Variants in CCDC171 observed in about 807,000 individuals in gnomAD.
CCDC171 encodes coiled-coil domain containing 171.
CCDC171 carries 177 observed loss-of-function variants against 168.2 expected under a neutral mutation model. The ratio of observed to expected loss-of-function variants is 1.05; its 90% confidence interval spans 0.93 to 1.19. The LOEUF is 1.19. Ranked by LOEUF, CCDC171 falls within the 50% of genes most tolerant of loss-of-function variation. CCDC171 has a pLI of 0.00. For missense variants in CCDC171, 1,991 were observed against 1,539.0 expected (o/e 1.29, Z -4.91); for synonymous variants, 687 against 540.8 (o/e 1.27, Z -3.75).
chr9:15,625,292 T>G (rs2044968831), intron 7 of CCDC171, among the ~76,000 whole-genome samples: 1 of 152,236 alleles, frequency 6.6e-6, no homozygotes, highest in Non-Finnish European at 1.5e-5. Context: ...TGGTAGTTTC[T>G]TTTGCTGTGC....
At chr9:15,613,193 C>T (rs892068242) in intron 6 of CCDC171, among the ~76,000 whole-genome samples, 4 of 152,140 alleles carry the variant, frequency 2.6e-5, no homozygotes, top group Non-Finnish European at 4.4e-5. Flanking sequence ...TCCAGTTTCT[C>T]TACGTCTTTG....
At chr9:15,840,683 G>A (rs1473896742) in intron 21 of CCDC171, among the ~76,000 whole-genome samples, 1 of 152,082 alleles carries the variant, frequency 6.6e-6, no homozygotes, top group Non-Finnish European at 1.5e-5. Context: ...CATGTCGTGT[G>A]TCACAATAAA....
Position 15,778,972 on chromosome 9 carries a change from G to T in CCDC171, c.2903G>T (p.Ser968Ile). Residue 968 changes from serine (S) to isoleucine (I), a missense_variant, in exon 20 of 26, where the codon AGC becomes ATC. By Grantham distance (142) the Ser-to-Ile change is moderately radical. Coordinates refer to ENST00000380701, the MANE Select transcript of CCDC171 (RefSeq NM_173550.4). ...GLRGHVPITK[S>I]TASLQKQILG... ...ATTGCTCTTGTTTAACAACAGAAAA[G>T]CACAGCATCGTTGCAGAAGCAAATA... 1 of 1,515,284 alleles carries T rather than the reference G, an allele frequency of 6.6e-7. No homozygotes were observed. Among genetic ancestry groups the T allele is most frequent in the African/African-American group, 1.4e-5 (1 of 71,092 alleles). 93.9% of individuals were successfully genotyped at this position (1,515,284 alleles called of 1,614,324 possible). A position where few individuals can be genotyped will look rare whatever the true frequency, so the allele number is the denominator to read the frequency against.
intron 3 of CCDC171, among the ~76,000 whole-genome samples, chr9:15,987,402 G>A (rs147954116): frequency 0.01 from 1,548 of 151,944 alleles, 21 homozygotes; most frequent in Non-Finnish European, 0.015. Context: ...ACCTGCACAT[G>A]TACCCCTTGA....
At chr9:15,733,280 A>G (rs1020215689) in intron 16 of CCDC171, among the ~76,000 whole-genome samples, 8 of 152,164 alleles carry the variant, frequency 5.3e-5, no homozygotes, top group Non-Finnish European at 1.0e-4. Context: ...TTTGCAAAGC[A>G]AATGTTTCAA....
intron 7 of CCDC171, among the ~76,000 whole-genome samples, chr9:15,632,105 T>G (rs1273999058): frequency 2.6e-5 from 4 of 151,960 alleles, no homozygotes; most frequent in African/African-American, 7.2e-5. Context: ...CTTTGAAAAC[T>G]GGCCCAAGAC....
chr9:15,930,210 T>C (rs757485285), intron 25 of CCDC171, among the ~76,000 whole-genome samples: 47 of 151,800 alleles, frequency 3.1e-4, no homozygotes, highest in Middle Eastern at 3.4e-3. Flanking sequence ...ACCTATACTT[T>C]GCATAAACCA....
chr9:16,029,469 G>T (rs10810520), intron 6 of CCDC171, among the ~76,000 whole-genome samples: 56,352 of 152,108 alleles, frequency 0.37, 12,293 homozygotes, highest in East Asian at 0.63. Context: ...AAGCTGTGTG[G>T]CCACATCTGG....
chr9:15,665,226 A>C (rs2133136111), intron 8 of CCDC171, among the ~76,000 whole-genome samples: 1 of 152,254 alleles, frequency 6.6e-6, no homozygotes, highest in African/African-American at 2.4e-5. Flanking sequence ...TCCCTGGCTC[A>C]AACGATCCTC....
chr9:15,785,648 C>G (rs1003830940), intron 21 of CCDC171, among the ~76,000 whole-genome samples: 2 of 152,044 alleles, frequency 1.3e-5, no homozygotes, highest in African/African-American at 4.8e-5. Context: ...CTCACACAAA[C>G]TGTATGGGAT....
chr9:16,016,403 C>G (rs867306466), intron 3 of CCDC171, among the ~76,000 whole-genome samples: 1 of 151,894 alleles, frequency 6.6e-6, no homozygotes, highest in African/African-American at 2.4e-5. Context: ...AGGCAGGTGC[C>G]CAATATATAT....
At chr9:15,613,786 G>T (rs1330218577) in intron 6 of CCDC171, among the ~76,000 whole-genome samples, 1 of 152,084 alleles carries the variant, frequency 6.6e-6, no homozygotes, top group African/African-American at 2.4e-5. Flanking sequence ...GCCTCCCAAA[G>T]TGCGGGGATT....
At chr9:15,909,031 T>A (rs1360786834) in intron 24 of CCDC171, among the ~76,000 whole-genome samples, 1 of 152,182 alleles carries the variant, frequency 6.6e-6, no homozygotes, top group African/African-American at 2.4e-5. Context: ...TCATGGGTGA[T>A]GGGCATGGGG....
At chr9:15,993,978 C>A (rs187563048) in intron 3 of CCDC171, among the ~76,000 whole-genome samples, 1 of 152,204 alleles carries the variant, frequency 6.6e-6, no homozygotes, top group South Asian at 2.1e-4. Context: ...AACACTTCTA[C>A]ACTGTTGGTG....
intron 21 of CCDC171, among the ~76,000 whole-genome samples, chr9:15,844,981 G>T (rs1300173644): frequency 6.6e-6 from 1 of 152,064 alleles, no homozygotes; most frequent in African/African-American, 2.4e-5. Flanking sequence ...AGAAGAATTT[G>T]AATGGACTGG....
At chr9:15,557,219 T>C (rs1425721142) in intron 1 of CCDC171, among the ~76,000 whole-genome samples, 2 of 152,190 alleles carry the variant, frequency 1.3e-5, no homozygotes, top group Non-Finnish European at 2.9e-5. Context: ...GTCTTGGCAA[T>C]GTGGGCTCTT....
At position 15,553,060 on chromosome 9, in the gene CCDC171, T is replaced by G. The variant is rs922690645; in HGVS notation, c.-354T>G. The G allele has an allele frequency of 4.6e-5, 7 of 152,510 alleles. No individual in the cohort carries two copies. Among genetic ancestry groups the G allele is most frequent in the African/African-American group, 1.7e-4 (7 of 41,460 alleles). The allele number at this position is 152,510 out of a possible 1,614,324, so 9.4% of individuals were successfully genotyped here. A position where few individuals can be genotyped will look rare whatever the true frequency, so the allele number is the denominator to read the frequency against. On this transcript the variant is annotated 5_prime_UTR_variant, in exon 1 of 26. Coordinates refer to ENST00000380701, the MANE Select transcript of CCDC171 (RefSeq NM_173550.4). ...TGACCTGTGAAAGTCTGGGAAGGTC[T>G]GCGAGAGAAGCGGAGTGTTTTCAGC... is the stretch of plus-strand genomic sequence containing the variant.
At chr9:15,936,441 C>A (rs993725676) in intron 25 of CCDC171, among the ~76,000 whole-genome samples, 1 of 151,928 alleles carries the variant, frequency 6.6e-6, no homozygotes, top group African/African-American at 2.4e-5. Flanking sequence ...AGAGCCAGTT[C>A]AGACCAGCTC....
In CCDC171 at chr9:16,058,143, G is replaced by C. The variant is rs548149114; in HGVS notation, n.90-2503G>C. ...GGGGGACTATCCAAAAAAATGAAGA[G>C]TAGCTCTTGTCCAAGACCGATCTCT... On this transcript the variant is annotated intron_variant and non_coding_transcript_variant, in intron 1 of 1. Coordinates refer to the CCDC171 transcript ENST00000478913. Among the ~76,000 whole-genome samples, 5 of 152,150 alleles carry C rather than the reference G, an allele frequency of 3.3e-5. 1 individual carries two copies. In the South Asian group the frequency reaches 1.0e-3, roughly 32 times the overall value.
Sources: gnomAD v4.1 joint callset for allele counts (sites outside exome capture counted in the v4.1 genomes callset) on GRCh38, gnomAD v4.1.1 for gene constraint, MANE v1.5 for transcripts, NCBI Gene and HGNC (gene_info 2026-07-23, HGNC 2026-07-21) for gene names.